Variants in MAPKAP1 observed in about 807,000 individuals in gnomAD.
MAPKAP1 encodes the protein MAPK associated protein 1, also known as target of rapamycin complex 2 subunit MAPKAP1.
In MAPKAP1, 20 loss-of-function variants were observed where a neutral mutation model predicts 65.7. The observed-to-expected ratio is 0.30, with a 90% CI of 0.21 to 0.44. MAPKAP1 has a LOEUF of 0.44. Ranked by LOEUF, MAPKAP1 falls within the 20% of genes least tolerant of loss-of-function variation. The probability of loss-of-function intolerance (pLI) is 1.00; values close to 1 mark genes in which losing one functional copy is unlikely to be tolerated. For synonymous variants in MAPKAP1, 222 were observed against 244.3 expected, an observed-to-expected ratio of 0.91 and a Z score of 0.85; for missense variants, 423 against 648.0, an observed-to-expected ratio of 0.65 and a Z score of 3.77.
intron 1 of MAPKAP1, among the ~76,000 whole-genome samples, chr9:125,696,058 T>C (rs1250236945): frequency 6.6e-6 from 1 of 151,726 alleles, no homozygotes; most frequent in Non-Finnish European, 1.5e-5. Context: ...TAGAAAAGAG[T>C]AAAAGGCAAC....
intron 1 of MAPKAP1, among the ~76,000 whole-genome samples, chr9:125,675,612 C>T (rs574497263): frequency 3.3e-5 from 5 of 152,258 alleles, no homozygotes; most frequent in African/African-American, 1.2e-4. Context: ...AGGACTGCCC[C>T]AGAAAACATA....
intron 6 of MAPKAP1, chr9:125,559,113 C>T (rs1376230412): frequency 6.6e-6 from 1 of 152,116 alleles, no homozygotes; most frequent in African/African-American, 2.4e-5. Context: ...TAACAGAATA[C>T]TTTTATATTC....
At chr9:125,580,144 T>C (rs1208254210) in intron 5 of MAPKAP1, among the ~76,000 whole-genome samples, 1 of 152,186 alleles carries the variant, frequency 6.6e-6, no homozygotes, top group Non-Finnish European at 1.5e-5. Context: ...CTCAAGGATC[T>C]AGAACTAGAA....
intron 7 of MAPKAP1, among the ~76,000 whole-genome samples, chr9:125,538,529 A>AT (rs36039886): frequency 0.051 from 7,353 of 145,064 alleles, 347 homozygotes; most frequent in African/African-American, 0.12. Flanking sequence ...TTTTACTACA[A>AT]TTTTTTTTTT....
intron 4 of MAPKAP1, among the ~76,000 whole-genome samples, chr9:125,654,082 C>A (rs1004406534): frequency 6.6e-6 from 1 of 152,090 alleles, no homozygotes; most frequent in East Asian, 1.9e-4. Flanking sequence ...TAATCTGAAA[C>A]GGGTGGAGAA....
At position 125,484,409 on chromosome 9, in the gene MAPKAP1, G is replaced by A. The variant is rs996346325; in HGVS notation, c.1207+34C>T. ...CCATTTCTACACCGACTGCTGACACGACAAGCTAGCTCATCACCTGCTCAC... is the reference window on the plus strand; with the variant it reads ...CCATTTCTACACCGACTGCTGACACAACAAGCTAGCTCATCACCTGCTCAC... On this transcript the variant is annotated intron_variant, in intron 9 of 11. Transcript: ENST00000265960. 1.1e-5 allele frequency: 17 copies of A among 1,578,780 alleles called. No individual in the cohort carries two copies. In the Admixed American group the frequency reaches 1.2e-4, roughly 12 times the overall value.
At chr9:125,604,140 T>C (rs1832381543) in intron 4 of MAPKAP1, among the ~76,000 whole-genome samples, 1 of 152,230 alleles carries the variant, frequency 6.6e-6, no homozygotes, top group Non-Finnish European at 1.5e-5. Flanking sequence ...TCCATTAACA[T>C]TTTCACTTAA....
At chr9:125,495,741 G>A (rs1320899002) in intron 8 of MAPKAP1, among the ~76,000 whole-genome samples, 7 of 152,212 alleles carry the variant, frequency 4.6e-5, no homozygotes, top group African/African-American at 1.7e-4. Context: ...AAGTAGCTGT[G>A]GACAAGGCAC....
chr9:125,502,150 G>A (rs912725789), intron 8 of MAPKAP1, among the ~76,000 whole-genome samples: 1 of 150,872 alleles, frequency 6.6e-6, no homozygotes, highest in African/African-American at 2.4e-5. Context: ...TGCCCAGGCT[G>A]GAGTGTAGTG....
intron 1 of MAPKAP1, among the ~76,000 whole-genome samples, chr9:125,693,526 CACATATACACACACAT>C (rs2131853705): frequency 2.0e-5 from 2 of 100,616 alleles, no homozygotes; most frequent in African/African-American, 1.2e-4. Context: ...CACATATATA[CACATATACACACACAT>C]ATATACATAT....
chr9:125,453,858 A>C (rs1853057002), intron 10 of MAPKAP1, among the ~76,000 whole-genome samples: 2 of 152,256 alleles, frequency 1.3e-5, no homozygotes, highest in Admixed American at 1.3e-4. Context: ...TGAGAAGCCA[A>C]GCTCAGTGAT....
At chr9:125,459,871 G>A (rs928009136) in intron 10 of MAPKAP1, among the ~76,000 whole-genome samples, 1 of 151,614 alleles carries the variant, frequency 6.6e-6, no homozygotes, top group African/African-American at 2.4e-5. Context: ...GGGAGAGGGA[G>A]AGGGACGCAT....
At chr9:125,678,810 C>G (rs1431380720) in intron 1 of MAPKAP1, among the ~76,000 whole-genome samples, 1 of 152,110 alleles carries the variant, frequency 6.6e-6, no homozygotes, top group African/African-American at 2.4e-5. Flanking sequence ...TTTACATACA[C>G]TCATTTCCAA....
At chr9:125,599,604 CT>C (rs72065538) in intron 4 of MAPKAP1, among the ~76,000 whole-genome samples, 68,478 of 126,096 alleles carry the variant, frequency 0.54, 17,347 homozygotes, top group East Asian at 0.76. Context: ...ATGTAAGTCC[CT>C]TTTTTTTTTT....
Position 125,595,752 on chromosome 9 carries a change from G to A in MAPKAP1, c.499-10025C>T, listed in dbSNP as rs1832105245. The A allele has an allele frequency of 1.2e-5, 17 of 1,374,040 alleles. No homozygotes were observed. Among genetic ancestry groups the A allele is most frequent in the Non-Finnish European group, 1.7e-5 (17 of 980,790 alleles). 85.1% of individuals were successfully genotyped at this position (1,374,040 alleles called of 1,614,324 possible). ...TTGAGCTTTGAAACAACCAATGAGAGCAAGAGGAGCCATTGTGAGCAATGG... is the reference window on the plus strand; with the variant it reads ...TTGAGCTTTGAAACAACCAATGAGAACAAGAGGAGCCATTGTGAGCAATGG... On this transcript the variant is annotated intron_variant, in intron 4 of 11. Coordinates refer to ENST00000265960, the MANE Select transcript of MAPKAP1 (RefSeq NM_001006617.3). This position sits in a 1 kb window ranked among gnomAD's most constrained non-coding sequence, Gnocchi z 4.0.
intron 4 of MAPKAP1, chr9:125,652,011 A>T: frequency 1.2e-6 from 1 of 818,478 alleles, no homozygotes; most frequent in Non-Finnish European, 1.6e-6. Context: ...AGTTTAACAT[A>T]TTAGAAGGGA....
At chr9:125,481,496 C>T (rs183885916) in intron 9 of MAPKAP1, among the ~76,000 whole-genome samples, 18 of 151,906 alleles carry the variant, frequency 1.2e-4, no homozygotes, top group Admixed American at 3.3e-4. Flanking sequence ...CATGACAGCT[C>T]ACTGCAGCCT....
In MAPKAP1 at chr9:125,672,627, T is replaced by C; in HGVS notation, c.-53A>G. On this transcript the variant is annotated 5_prime_UTR_variant, in exon 2 of 12. Coordinates refer to ENST00000265960, the MANE Select transcript of MAPKAP1 (RefSeq NM_001006617.3). ...GGCTATTTTCTCCTCTTCATATTGT[T>C]TCACGAGCTCACCTACCTAGAAACA... 1 of 1,589,198 alleles carries C rather than the reference T, an allele frequency of 6.3e-7. No individual in the cohort carries two copies. The highest frequency in any genetic ancestry group is 1.1e-5 in the South Asian group (1 of 87,566).
intron 6 of MAPKAP1, among the ~76,000 whole-genome samples, chr9:125,558,508 T>C (rs998236345): frequency 2.0e-5 from 3 of 152,186 alleles, no homozygotes; most frequent in South Asian, 2.1e-4. Flanking sequence ...ATATATCATA[T>C]GTAGCATAAC....
Sources: allele counts gnomAD v4.1 joint callset (sites outside exome capture counted in the v4.1 genomes callset), GRCh38; gene constraint gnomAD v4.1.1; non-coding constraint Gnocchi (gnomAD v3.1); transcripts MANE v1.5; gene names NCBI Gene and HGNC (gene_info 2026-07-23, HGNC 2026-07-21).